Variants in DNAJC1 observed in about 807,000 individuals in gnomAD.
DNAJC1 encodes the protein dnaJ homolog subfamily C member 1.
DNAJC1 carries 58 observed loss-of-function variants against 76.6 expected under a neutral mutation model. That is an observed-to-expected ratio of 0.76 (90% confidence interval 0.61 to 0.94). The LOEUF is 0.94. Ranked by LOEUF, DNAJC1 falls within the 40% of genes least tolerant of loss-of-function variation. DNAJC1 has a pLI of 0.00. For synonymous variants in DNAJC1, 258 were observed against 267.9 expected, an observed-to-expected ratio of 0.96 and a Z score of 0.36; for missense variants, 689 against 677.3, an observed-to-expected ratio of 1.02 and a Z score of -0.19.
chr10:21,834,844 G>A (rs1564802110), intron 8 of DNAJC1, among the ~76,000 whole-genome samples: 1 of 152,214 alleles, frequency 6.6e-6, no homozygotes, highest in African/African-American at 2.4e-5. Context: ...CGAACAGGGT[G>A]GAGCCCACCA....
intron 7 of DNAJC1, among the ~76,000 whole-genome samples, chr10:21,902,151 G>A (rs760687049): frequency 2.0e-5 from 3 of 152,038 alleles, no homozygotes; most frequent in Non-Finnish European, 4.4e-5. Flanking sequence ...CATAGTATGA[G>A]GAATGTTTTT....
intron 1 of DNAJC1, among the ~76,000 whole-genome samples, chr10:21,939,272 C>T (rs548835094): frequency 6.6e-6 from 1 of 152,182 alleles, no homozygotes; most frequent in African/African-American, 2.4e-5. Flanking sequence ...AGATAATCTA[C>T]CTGGCTATCA....
chr10:21,912,674 C>T (rs1323564224), intron 6 of DNAJC1, among the ~76,000 whole-genome samples: 1 of 152,122 alleles, frequency 6.6e-6, no homozygotes, highest in Non-Finnish European at 1.5e-5. Flanking sequence ...CAAGCTGCCT[C>T]ATCCCTTGGA....
intron 6 of DNAJC1, among the ~76,000 whole-genome samples, chr10:21,918,284 A>G (rs1246948551): frequency 2.0e-5 from 3 of 151,908 alleles, no homozygotes; most frequent in African/African-American, 4.8e-5. Context: ...CATTACCTGT[A>G]TAAGACAAAA....
chr10:21,811,188 C>CAAGGCA (rs1031570286), intron 8 of DNAJC1, among the ~76,000 whole-genome samples: 21 of 152,306 alleles, frequency 1.4e-4, no homozygotes, highest in Non-Finnish European at 2.8e-4. Flanking sequence ...ACACACAGAG[C>CAAGGCA]AAGGCCTTGG....
intron 1 of DNAJC1, among the ~76,000 whole-genome samples, chr10:21,969,890 G>A (rs1837952469): frequency 6.6e-6 from 1 of 152,090 alleles, no homozygotes; most frequent in South Asian, 2.1e-4. Flanking sequence ...TGGAAATGTG[G>A]TGATTAACCC....
chr10:21,799,702 G>T (rs1196905218), intron 9 of DNAJC1, among the ~76,000 whole-genome samples: 1 of 151,938 alleles, frequency 6.6e-6, no homozygotes, highest in Non-Finnish European at 1.5e-5. Context: ...TCCCTATCAT[G>T]CCGTCCTTAG....
rs944741041 is a variant in DNAJC1 at position 21,975,315 on chromosome 10, CAATA to C, written c.222+27894_222+27897del. On this transcript the variant is annotated intron_variant, in intron 1 of 11. Coordinates refer to ENST00000376980, the MANE Select transcript of DNAJC1 (RefSeq NM_022365.4). ...ATGAATATGAGAAAAAAATAAGCTG[CAATA>C]AATAAATAAATAAATAAATGAGAAA... Among the ~76,000 whole-genome samples the C allele has an allele frequency of 1.3e-4, 19 of 151,208 alleles. No homozygotes were observed. In the East Asian group the frequency reaches 1.6e-3, roughly 12 times the overall value.
chr10:21,769,624 C>G (rs1373725664), intron 9 of DNAJC1, among the ~76,000 whole-genome samples: 2 of 152,186 alleles, frequency 1.3e-5, no homozygotes, highest in Non-Finnish European at 2.9e-5. Context: ...CATTAAATCT[C>G]TCAGAGGTCT....
At chr10:21,803,157 C>G (rs1834832779) in intron 9 of DNAJC1, among the ~76,000 whole-genome samples, 1 of 151,962 alleles carries the variant, frequency 6.6e-6, no homozygotes, top group Non-Finnish European at 1.5e-5. Flanking sequence ...TCCGACAACC[C>G]AAATAAAGAA....
chr10:21,769,270 G>A (rs547762044), intron 9 of DNAJC1, among the ~76,000 whole-genome samples: 2 of 152,244 alleles, frequency 1.3e-5, no homozygotes, highest in African/African-American at 4.8e-5. Flanking sequence ...ACGCAACAAT[G>A]GATCCTCAGA....
intron 7 of DNAJC1, among the ~76,000 whole-genome samples, chr10:21,884,375 T>A (rs1486347925): frequency 1.3e-5 from 2 of 152,196 alleles, no homozygotes; most frequent in Admixed American, 1.3e-4. Context: ...TATAATTTTA[T>A]ACCAATCATA....
intron 1 of DNAJC1, among the ~76,000 whole-genome samples, chr10:21,977,625 C>T (rs915920782): frequency 6.6e-6 from 1 of 152,170 alleles, no homozygotes; most frequent in Non-Finnish European, 1.5e-5. Flanking sequence ...CCAAAATATA[C>T]ATGCCCAGGC....
rs7087873 is a variant in DNAJC1, at chr10:21,969,907, T to A, written c.222+33306A>T. Among the ~76,000 whole-genome samples the A allele has an allele frequency of 6.6e-3, 1,001 of 152,302 alleles. 13 individuals are homozygous for A. Among genetic ancestry groups the A allele is most frequent in the African/African-American group, 0.023 (952 of 41,578 alleles). ...GAAATGTGGTGATTAACCCATTTTG[T>A]CACTTGGCACTTTCCCAATTTTTTC... On this transcript the variant is annotated intron_variant, in intron 1 of 11. Coordinates refer to ENST00000376980, the MANE Select transcript of DNAJC1 (RefSeq NM_022365.4).
intron 6 of DNAJC1, among the ~76,000 whole-genome samples, chr10:21,912,989 T>C (rs1474788833): frequency 7.0e-6 from 1 of 143,690 alleles, no homozygotes; most frequent in Non-Finnish European, 1.5e-5. Flanking sequence ...TTAGGCAACT[T>C]TTTTTTTTTT....
intron 1 of DNAJC1, among the ~76,000 whole-genome samples, chr10:21,937,547 T>C (rs911321892): frequency 2.6e-5 from 4 of 152,048 alleles, no homozygotes; most frequent in African/African-American, 7.2e-5. Context: ...CTTTTAATAA[T>C]GACTGGAACA....
intron 8 of DNAJC1, among the ~76,000 whole-genome samples, chr10:21,846,487 G>A (rs1247796650): frequency 4.6e-5 from 7 of 152,032 alleles, no homozygotes; most frequent in Non-Finnish European, 8.8e-5. Flanking sequence ...TAAAAGACCA[G>A]CATGAAAATA....
At chr10:21,790,010 T>TAAAAA (rs35639440) in intron 9 of DNAJC1, among the ~76,000 whole-genome samples, 17 of 41,094 alleles carry the variant, frequency 4.1e-4, no homozygotes, top group African/African-American at 1.7e-3. Flanking sequence ...GCTCTGTCTT[T>TAAAAA]AAAAAAAAAA....
chr10:21,774,314 C>T (rs1589975111), intron 9 of DNAJC1, among the ~76,000 whole-genome samples: 1 of 152,038 alleles, frequency 6.6e-6, no homozygotes, highest in Admixed American at 6.6e-5. Flanking sequence ...TATGATCACA[C>T]AAAGAATTCA....
Sources: gnomAD v4.1 joint callset for allele counts (sites outside exome capture counted in the v4.1 genomes callset) on GRCh38, gnomAD v4.1.1 for gene constraint, MANE v1.5 for transcripts, NCBI Gene and HGNC (gene_info 2026-07-23, HGNC 2026-07-21) for gene names.